The following DNHD1 variants were observed in gnomAD, a reference collection of about 807,000 sequenced individuals.
DNHD1 encodes the protein dynein heavy chain domain-containing protein 1.
In DNHD1, 383 loss-of-function variants were observed where a neutral mutation model predicts 458.1. The observed-to-expected ratio is 0.84, with a 90% CI of 0.77 to 0.91. The LOEUF (loss-of-function observed/expected upper bound fraction) is 0.91, where lower values mean the gene tolerates loss of function less well. DNHD1 is among the 40% of genes least tolerant of loss of function. The pLI is 0.00. For missense variants in DNHD1, 5,336 were observed against 5,866.1 expected, an observed-to-expected ratio of 0.91 and a Z score of 2.95; for synonymous variants, 2,203 against 2,376.9, an observed-to-expected ratio of 0.93 and a Z score of 2.13.
At position 6,563,027 on chromosome 11, in the gene DNHD1, T is replaced by C. The variant is rs1021644293; in HGVS notation, c.9565T>C (p.Tyr3189His). 3.9e-6 allele frequency: 6 copies of C among 1,551,694 alleles called. No homozygotes were observed. The highest frequency in any genetic ancestry group is 2.4e-5 in the East Asian group (1 of 40,922). ...QQQLEQSKLL[Y>H]KQQLEECRHQ... is the part of the protein sequence containing the mutation. ...GCAGCTAGAGCAAAGCAAGCTCCTA[T>C]ACAAGCAGCAGCTGGAAGAGTGTCG... Residue 3189 changes from tyrosine to histidine, a missense_variant, in exon 29 of 43, where the codon TAC becomes CAC. By Grantham distance (83) the Tyr-to-His change is moderately conservative. Transcript: ENST00000254579.
chr11:6,498,723 G>T lies in DNHD1; in HGVS notation c.508G>T (p.Ala170Ser), dbSNP rs1418602011. ...PPCPACPFVQ[A>S]QWSRQQVKEE... is the part of the protein sequence containing the mutation. ...ATGCCCAGCTTGCCCTTTTGTGCAG[G>T]CCCAGTGGAGCAGGCAGCAAGTAAA... Residue 170 changes from alanine (A) to serine (S), a missense_variant, in exon 3 of 43, where the codon GCC (alanine) becomes TCC (serine). Coordinates refer to ENST00000254579, the MANE Select transcript of DNHD1 (RefSeq NM_144666.3). The T allele has an allele frequency of 6.2e-7, 1 of 1,614,162 alleles. No homozygotes were observed. Among genetic ancestry groups the T allele is most frequent in the East Asian group, 2.2e-5 (1 of 44,884 alleles).
Position 6,539,934 on chromosome 11 carries a change from G to T in DNHD1, c.3479G>T (p.Arg1160Leu). ...CAAGAGACTATACGGCGGTTGCAGC[G>T]GTACTGGGAAGCGCGCCAGCTGCGC... ...HAQETIRRLQ[R>L]YWEARQLRLL... Residue 1160 changes from arginine to leucine, a missense_variant, in exon 18 of 43, where the codon CGG becomes CTG. By Grantham distance (102) the Arg-to-Leu change is moderately radical (BLOSUM62 -2). Around this residue, in one of 4 missense-constraint regions of DNHD1, gnomAD observed 3,932 missense variants for 4,365.6 expected, o/e 0.90. Transcript: ENST00000254579. The T allele has an allele frequency of 1.3e-6, 2 of 1,551,746 alleles. No homozygotes were observed. Among genetic ancestry groups the T allele is most frequent in the Non-Finnish European group, 8.7e-7 (1 of 1,146,992 alleles).
In DNHD1 at chr11:6,546,584, A is replaced by G. The variant is rs1445447846; in HGVS notation, c.5645A>G (p.Glu1882Gly). ...CRLPLLKQIL[E>G]DTIRTLNVTK... ...CTGCCACTGCTCAAGCAGATACTGG[A>G]AGACACAATACGGACACTAAATGTG... Residue 1882 changes from glutamate to glycine, a missense_variant, in exon 21 of 43, where the codon GAA becomes GGA. By Grantham distance (98) the Glu-to-Gly change is moderately conservative (BLOSUM62 -2). This residue lies in a region of DNHD1 where 3,932 missense variants were observed against 4,365.6 expected (regional missense o/e 0.90). Coordinates refer to ENST00000254579, the MANE Select transcript of DNHD1 (RefSeq NM_144666.3). The G allele has an allele frequency of 6.4e-7, 1 of 1,551,716 alleles. No homozygotes were observed. Among genetic ancestry groups the G allele is most frequent in the Non-Finnish European group, 8.7e-7 (1 of 1,147,022 alleles).
intron 17 of DNHD1, 81 bp downstream of exon 17, chr11:6,539,394 TG>T: frequency 9.1e-7 from 1 of 1,101,528 alleles, no homozygotes; most frequent in Admixed American, 2.0e-5. Context: ...GGTGGGTGTT[TG>T]GCATGTGATT....
In DNHD1 at chr11:6,559,197, G is replaced by A. The variant is rs1476249624; in HGVS notation, c.9433G>A (p.Glu3145Lys). The change falls in exon 28 of 43, where the codon GAG becomes AAG. Residue 3145 changes from glutamate (E) to lysine (K), a missense_variant. By Grantham distance (56) the Glu-to-Lys change is moderately conservative. Around this residue, in one of 4 missense-constraint regions of DNHD1, gnomAD observed 3,932 missense variants for 4,365.6 expected, o/e 0.90. Coordinates refer to ENST00000254579, the MANE Select transcript of DNHD1 (RefSeq NM_144666.3). Reference protein sequence around the residue: ...NKAQRVQNALENLRMLIKEHG... With the variant: ...NKAQRVQNALKNLRMLIKEHG... Reference sequence around the variant, plus strand: ...TATCTCCAGGGTCCAGAATGCCTTGGAGAATCTGAGAATGCTGATTAAGGA... The same window carrying A: ...TATCTCCAGGGTCCAGAATGCCTTGAAGAATCTGAGAATGCTGATTAAGGA... 2.6e-6 allele frequency: 4 copies of A among 1,551,538 alleles called. No homozygotes were observed. The highest frequency in any genetic ancestry group is 4.9e-5 in the East Asian group (2 of 40,934).
Position 6,498,834 on chromosome 11 carries a change from G to C in DNHD1, c.619G>C (p.Glu207Gln), listed in dbSNP as rs35423081. 6.2e-7 allele frequency: 1 copy of C among 1,614,254 alleles called. No individual in the cohort carries two copies. Among genetic ancestry groups the C allele is most frequent in the South Asian group, 1.1e-5 (1 of 91,082 alleles). The change falls in exon 3 of 43, where the codon GAA becomes CAA. Residue 207 changes from glutamate to glutamine, a missense_variant. Physicochemically the swap from Glu to Gln is conservative, Grantham distance 29. Transcript: ENST00000254579. ...LGIVGAQVAL[E>Q]EAVWLDGLSL... ...CATTGTTGGTGCTCAGGTGGCCCTAGAAGAGGCTGTGTGGCTGGATGGACT... is the reference window on the plus strand; with the variant it reads ...CATTGTTGGTGCTCAGGTGGCCCTACAAGAGGCTGTGTGGCTGGATGGACT...
In DNHD1 at chr11:6,567,193, G is replaced by A. The variant is rs376727342; in HGVS notation, c.11684G>A (p.Arg3895His). 36 of 1,613,910 alleles carry A rather than the reference G, an allele frequency of 2.2e-5. No homozygotes were observed. Among genetic ancestry groups the A allele is most frequent in the Admixed American group, 6.7e-5 (4 of 60,006 alleles). Reference sequence around the variant, plus strand: ...CAGGCTCTGGACAGCATGAAGCCACGTGAGATTAATCACGGGGAGGACCTG... The same window carrying A: ...CAGGCTCTGGACAGCATGAAGCCACATGAGATTAATCACGGGGAGGACCTG... Reference protein sequence around the residue: ...TKQALDSMKPREINHGEDLAS... With the variant: ...TKQALDSMKPHEINHGEDLAS... Residue 3895 changes from arginine to histidine, a missense_variant, in exon 36 of 43, where the codon CGT becomes CAT. Arg to His is a conservative substitution (Grantham distance 29, BLOSUM62 0). Transcript: ENST00000254579.
chr11:6,503,872 G>A lies in DNHD1; in HGVS notation c.920+946G>A, dbSNP rs563674536. ...TTTAACCAAACTCTTCAATATATTAGGCATTGTGCTAATAAACTCATGACA... is the reference window on the plus strand; with the variant it reads ...TTTAACCAAACTCTTCAATATATTAAGCATTGTGCTAATAAACTCATGACA... On this transcript the variant is annotated intron_variant, in intron 4 of 42. Coordinates refer to ENST00000254579, the MANE Select transcript of DNHD1 (RefSeq NM_144666.3). 7 of 152,242 alleles carry A rather than the reference G, an allele frequency of 4.6e-5. No homozygotes were observed. The South Asian group carries it at 1.5e-3, about 32-fold the overall frequency. The allele number at this position is 152,242 out of a possible 1,614,324, so 9.4% of individuals were successfully genotyped here.
intron 14 of DNHD1, among the ~76,000 whole-genome samples, chr11:6,534,398 G>C (rs1384341387): frequency 2.0e-5 from 3 of 151,916 alleles, no homozygotes; most frequent in African/African-American, 7.3e-5. Context: ...CTCACAGTCT[G>C]GTAAGGAAGG....
At chr11:6,521,388 A>C (rs1852600903) in intron 10 of DNHD1, among the ~76,000 whole-genome samples, 1 of 152,346 alleles carries the variant, frequency 6.6e-6, no homozygotes, top group South Asian at 2.1e-4. Context: ...AGCAAAAAAC[A>C]ACCTCTTGCA....
rs776709469 is a variant in DNHD1 at position 6,571,899 on chromosome 11, C to T, written c.14175C>T (p.Ile4725=). Residue 4725 remains isoleucine, a synonymous_variant, in exon 43 of 43, where the codon ATC becomes ATT. Transcript: ENST00000254579. The surrounding 1 kb of genome is among the most constrained non-coding windows in gnomAD (Gnocchi z 5.0). The part of the protein sequence containing the change: ...LGTAKLQSRN[I]VMHLPLPTKL... ...CCGCTAAGCTGCAGAGCAGGAACAT[C>T]GTGATGCATCTGCCTTTACCCACCA... 3 of 1,613,944 alleles carry T rather than the reference C, an allele frequency of 1.9e-6. No homozygotes were observed. Among genetic ancestry groups the T allele is most frequent in the Admixed American group, 3.3e-5 (2 of 60,010 alleles).
In DNHD1 at chr11:6,567,109, T is replaced by A. The variant is rs775728161; in HGVS notation, c.11600T>A (p.Leu3867Gln). The change falls in exon 36 of 43, where the codon CTG (leucine) becomes CAG (glutamine). Residue 3867 changes from leucine to glutamine, a missense_variant. Coordinates refer to ENST00000254579, the MANE Select transcript of DNHD1 (RefSeq NM_144666.3). ...GCCATGGTAAAGGCCCTAAGCCAACTGCAGAACCTGCTGCCACTTTTCTGT... is the reference window on the plus strand; with the variant it reads ...GCCATGGTAAAGGCCCTAAGCCAACAGCAGAACCTGCTGCCACTTTTCTGT... ...GMAMVKALSQ[L>Q]QNLLPLFCMS... 9 of 1,613,922 alleles carry A rather than the reference T, an allele frequency of 5.6e-6. No individual in the cohort carries two copies. Among genetic ancestry groups the A allele is most frequent in the Non-Finnish European group, 6.8e-6 (8 of 1,179,902 alleles).
chr11:6,528,410 T>G (rs1852757026), intron 10 of DNHD1, 112 bp from the exon 11 acceptor site: 2 of 989,570 alleles, frequency 2.0e-6, no homozygotes, highest in Non-Finnish European at 2.8e-6. Flanking sequence ...AATGGGTGTG[T>G]GTGTGTGTGT....
chr11:6,516,479 G>C (rs546033636), intron 7 of DNHD1, among the ~76,000 whole-genome samples: 1 of 151,156 alleles, frequency 6.6e-6, no homozygotes, highest in South Asian at 2.1e-4. Flanking sequence ...TGTATTTTTA[G>C]TAGACATAGG....
chr11:6,562,086 G>C (rs1219029907), intron 28 of DNHD1, among the ~76,000 whole-genome samples: 1 of 152,174 alleles, frequency 6.6e-6, no homozygotes, highest in Non-Finnish European at 1.5e-5. Context: ...AGAAGGTCGG[G>C]AGTGAGAGGG....
In DNHD1 at chr11:6,519,737, A is replaced by G; in HGVS notation, c.1530A>G (p.Ala510=). 1.2e-6 allele frequency: 2 copies of G among 1,614,190 alleles called. No individual in the cohort carries two copies. Among genetic ancestry groups the G allele is most frequent in the South Asian group, 1.1e-5 (1 of 91,084 alleles). Residue 510 remains alanine, a synonymous_variant, in exon 8 of 43, where the codon GCA becomes GCG. Transcript: ENST00000254579. ...HKQLEQKLKQ[A]EAWWLQLGKF... ...AACTGGAGCAGAAGCTGAAGCAAGC[A>G]GAGGCCTGGTGGCTGCAGCTGGGAA...
intron 3 of DNHD1, among the ~76,000 whole-genome samples, chr11:6,501,217 C>T (rs112541692): frequency 1.6e-4 from 24 of 150,382 alleles, no homozygotes; most frequent in Non-Finnish European, 2.6e-4. Context: ...TCGCATTTTA[C>T]GATTTTTTTT....
intron 11 of DNHD1, 32 bp from the exon 12 acceptor site, chr11:6,528,846 G>T (rs779735233): frequency 9.0e-6 from 14 of 1,550,264 alleles, no homozygotes; most frequent in Non-Finnish European, 1.0e-5. Flanking sequence ...ATAGCCGCAT[G>T]CCTCTGCCCT....
rs1037831124 is a variant in DNHD1 at position 6,563,862 on chromosome 11, G to C, written c.10022G>C (p.Cys3341Ser). 1 of 1,551,560 alleles carries C rather than the reference G, an allele frequency of 6.4e-7. No homozygotes were observed. The highest frequency in any genetic ancestry group is 1.4e-5 in the African/African-American group (1 of 73,072). Reference protein sequence around the residue: ...WAVLHYGLAHCRGLPTDLLLQ... With the variant: ...WAVLHYGLAHSRGLPTDLLLQ... Reference sequence around the variant, plus strand: ...GTTCTGCACTATGGGCTGGCGCATTGCCGGGGACTGCCCACGGACCTGCTG... The same window carrying C: ...GTTCTGCACTATGGGCTGGCGCATTCCCGGGGACTGCCCACGGACCTGCTG... Residue 3341 changes from cysteine (C) to serine (S), a missense_variant, in exon 31 of 43, where the codon TGC (cysteine) becomes TCC (serine). Around this residue, in one of 4 missense-constraint regions of DNHD1, gnomAD observed 3,932 missense variants for 4,365.6 expected, o/e 0.90. Transcript: ENST00000254579.
Sources: gnomAD v4.1 joint callset for allele counts (sites outside exome capture counted in the v4.1 genomes callset) on GRCh38, gnomAD v4.1.1 for gene constraint, gnomAD v4.1.1 regional missense constraint, Gnocchi (gnomAD v3.1) non-coding constraint, MANE v1.5 for transcripts, NCBI Gene and HGNC (gene_info 2026-07-23, HGNC 2026-07-21) for gene names.